The following CTNNA2 variants were observed in gnomAD, a reference collection of about 807,000 sequenced individuals.
CTNNA2 encodes the protein catenin alpha 2.
In CTNNA2, 42 loss-of-function variants were observed where a neutral mutation model predicts 101.0. That is an observed-to-expected ratio of 0.42 (90% confidence interval 0.32 to 0.54). The LOEUF is 0.54. Ranked by LOEUF, CTNNA2 falls within the 20% of genes least tolerant of loss-of-function variation. The pLI, the probability that CTNNA2 is intolerant of heterozygous loss-of-function variation, is 0.14. For missense variants in CTNNA2, 871 were observed against 1,223.1 expected (o/e 0.71, Z 4.29); for synonymous variants, 450 against 456.4 (o/e 0.99, Z 0.18).
At chr2:79,923,823 A>G (rs898262444) in intron 7 of CTNNA2, among the ~76,000 whole-genome samples, 2 of 152,120 alleles carry the variant, frequency 1.3e-5, no homozygotes, top group Non-Finnish European at 2.9e-5. Flanking sequence ...TAGATTCCAC[A>G]TAAAATTGAG....
intron 3 of CTNNA2, among the ~76,000 whole-genome samples, chr2:79,760,202 T>G (rs2105080132): frequency 6.6e-6 from 1 of 152,302 alleles, no homozygotes; most frequent in South Asian, 2.1e-4. Flanking sequence ...TAGAAAGCAT[T>G]ATGTAAATGC....
chr2:79,527,115 T>C (rs1400635994), intron 1 of CTNNA2, among the ~76,000 whole-genome samples: 1 of 152,146 alleles, frequency 6.6e-6, no homozygotes, highest in Non-Finnish European at 1.5e-5. Flanking sequence ...TCAGTAAGAA[T>C]CTATTCTTCC....
intron 7 of CTNNA2, among the ~76,000 whole-genome samples, chr2:80,247,031 TC>T (rs1196577562): frequency 2.0e-5 from 3 of 152,158 alleles, no homozygotes. Context: ...TGATAGAATG[TC>T]GTTTAGTGAG....
At chr2:79,811,538 A>C (rs1311804499) in intron 3 of CTNNA2, among the ~76,000 whole-genome samples, 2 of 152,186 alleles carry the variant, frequency 1.3e-5, no homozygotes, top group Non-Finnish European at 2.9e-5. Flanking sequence ...AATTGATCAT[A>C]CATGTAAGGA....
At chr2:79,215,180 G>A (rs769156567) in intron 2 of CTNNA2, among the ~76,000 whole-genome samples, 125 of 152,150 alleles carry the variant, frequency 8.2e-4, no homozygotes, top group Non-Finnish European at 1.0e-3. Context: ...TGAACAGTCC[G>A]ATTTTCAGTG....
chr2:79,692,497 T>G (rs1218963693), intron 2 of CTNNA2, among the ~76,000 whole-genome samples: 1 of 152,094 alleles, frequency 6.6e-6, no homozygotes, highest in Non-Finnish European at 1.5e-5. Flanking sequence ...ACATACCATT[T>G]GACCCAGCAA....
intron 1 of CTNNA2, among the ~76,000 whole-genome samples, chr2:79,548,526 C>T (rs571748280): frequency 2.1e-4 from 32 of 152,258 alleles, no homozygotes; most frequent in African/African-American, 7.0e-4. Context: ...AGTTCTCCAC[C>T]AGCTATGATT....
intron 1 of CTNNA2, among the ~76,000 whole-genome samples, chr2:79,646,922 T>G (rs750624912): frequency 2.0e-5 from 3 of 152,194 alleles, no homozygotes; most frequent in Non-Finnish European, 4.4e-5. Flanking sequence ...GAAGACAAAC[T>G]TGTTGTCTTT....
chr2:80,269,831 A>G, intron 7 of CTNNA2, among the ~76,000 whole-genome samples: 1 of 152,248 alleles, frequency 6.6e-6, no homozygotes, highest in African/African-American at 2.4e-5. Flanking sequence ...TTTAAAACTA[A>G]ATAACTGTGT....
chr2:79,621,975 GA>G (rs1329290445), intron 1 of CTNNA2, among the ~76,000 whole-genome samples: 1 of 152,156 alleles, frequency 6.6e-6, no homozygotes, highest in Non-Finnish European at 1.5e-5. Flanking sequence ...TAAAGTCTGA[GA>G]AACTGTAGCA....
chr2:79,466,887 C>T (rs1207509460), intron 4 of CTNNA2, among the ~76,000 whole-genome samples: 2 of 152,208 alleles, frequency 1.3e-5, no homozygotes, highest in Admixed American at 1.3e-4. Flanking sequence ...ACGACACCAT[C>T]ATCAAGGACC....
chr2:79,336,512 A>T (rs557574223), intron 3 of CTNNA2, among the ~76,000 whole-genome samples: 1 of 152,284 alleles, frequency 6.6e-6, no homozygotes, highest in Non-Finnish European at 1.5e-5. Context: ...ACTCAGATGG[A>T]GAGGTTCTGC....
At chr2:80,053,326 T>C (rs1408211773) in intron 7 of CTNNA2, among the ~76,000 whole-genome samples, 1 of 152,218 alleles carries the variant, frequency 6.6e-6, no homozygotes, top group East Asian at 1.9e-4. Context: ...GTTGTGTACA[T>C]GCATGAAAAT....
intron 3 of CTNNA2, among the ~76,000 whole-genome samples, chr2:79,853,426 T>A (rs1294234163): frequency 6.6e-6 from 1 of 152,222 alleles, no homozygotes; most frequent in African/African-American, 2.4e-5. Flanking sequence ...TTTCATTTTC[T>A]TCACCCAGCA....
intron 7 of CTNNA2, among the ~76,000 whole-genome samples, chr2:80,337,654 G>T (rs1390023663): frequency 6.6e-6 from 1 of 151,966 alleles, no homozygotes; most frequent in African/African-American, 2.4e-5. Context: ...GTACCAAGGA[G>T]CCAAAAACAA....
chr2:79,863,557 C>G (rs7587647), intron 4 of CTNNA2, among the ~76,000 whole-genome samples: 37,414 of 152,062 alleles, frequency 0.25, 5,245 homozygotes, highest in East Asian at 0.56. Context: ...CCAATGATGA[C>G]AACACAACCA....
chr2:79,874,548 CG>C (rs1199885468), intron 6 of CTNNA2, among the ~76,000 whole-genome samples: 1 of 152,132 alleles, frequency 6.6e-6, no homozygotes, highest in African/African-American at 2.4e-5. Context: ...ACTGTGGCTG[CG>C]GTGGCTCACC....
chr2:80,024,875 G>C (rs1169798040), intron 7 of CTNNA2, among the ~76,000 whole-genome samples: 3 of 152,172 alleles, frequency 2.0e-5, no homozygotes, highest in Admixed American at 6.5e-5. Flanking sequence ...TTCTTGTCTG[G>C]TGTCCAGGAA....
intron 12 of CTNNA2, among the ~76,000 whole-genome samples, chr2:80,559,804 A>G (rs944796017): frequency 1.3e-5 from 2 of 151,900 alleles, no homozygotes; most frequent in Non-Finnish European, 2.9e-5. Flanking sequence ...ACCCATCTTC[A>G]TAGATCTCGT....
Sources: gnomAD v4.1 joint callset for allele counts (sites outside exome capture counted in the v4.1 genomes callset) on GRCh38, gnomAD v4.1.1 for gene constraint, MANE v1.5 for transcripts, NCBI Gene and HGNC (gene_info 2026-07-23, HGNC 2026-07-21) for gene names.